The following TSPEAR variants were observed in gnomAD, a reference collection of about 807,000 sequenced individuals.
The protein encoded by TSPEAR is thrombospondin type laminin G domain and EAR repeats, also known as thrombospondin-type laminin G domain and EAR repeat-containing protein.
A neutral mutation model predicts 71.6 loss-of-function variants in TSPEAR; 69 were observed. The observed-to-expected ratio is 0.96, with a 90% CI of 0.79 to 1.18. The LOEUF (loss-of-function observed/expected upper bound fraction) is 1.18, where lower values mean the gene tolerates loss of function less well. Among genes scored for constraint, TSPEAR ranks in the 50% most tolerant of loss-of-function variants. The pLI, the probability that TSPEAR is intolerant of heterozygous loss-of-function variation, is 0.00. For synonymous variants in TSPEAR, 402 were observed against 387.2 expected (o/e 1.04, Z -0.45); for missense variants, 971 against 894.9 (o/e 1.09, Z -1.09).
rs587742978 is a variant in TSPEAR, at chr21:44,533,709, G to A, written c.518C>T (p.Thr173Met). ...AVSAGVFSLT[T>M]DCGLPVDIMA... ...CATGTCCACCGGGAGGCCGCAGTCC[G>A]TGGTGAGGGAGAAGACGCCTGCGGA... The change falls in exon 3 of 12, where the codon ACG (threonine) becomes ATG (methionine). Residue 173 changes from threonine (T) to methionine (M), a missense_variant. Coordinates refer to ENST00000323084, the MANE Select transcript of TSPEAR (RefSeq NM_144991.3). The A allele has an allele frequency of 6.6e-5, 107 of 1,610,638 alleles. No individual in the cohort carries two copies. Among genetic ancestry groups the A allele is most frequent in the African/African-American group, 3.3e-4 (25 of 75,014 alleles).
At chr21:44,569,731 G>A (rs1348739319) in intron 1 of TSPEAR, among the ~76,000 whole-genome samples, 10 of 152,122 alleles carry the variant, frequency 6.6e-5, no homozygotes, top group African/African-American at 2.2e-4. Flanking sequence ...AACATGCCAC[G>A]ACATAGGGAC....
At position 44,529,802 on chromosome 21, in the gene TSPEAR, G is replaced by T. The variant is rs2052930415; in HGVS notation, c.786C>A (p.Pro262=). The T allele has an allele frequency of 1.9e-6, 3 of 1,613,666 alleles. No individual in the cohort carries two copies. In the East Asian group the frequency reaches 6.7e-5, roughly 36 times the overall value. Residue 262 remains proline, a synonymous_variant, in exon 5 of 12, where the codon CCC becomes CCA. Transcript: ENST00000323084. Reference sequence around the variant, plus strand: ...GCGGGTGGCCCCCCTACTAACCATAGGGATATTTTAGCACCTCGTTATCTT... The same window carrying T: ...GCGGGTGGCCCCCCTACTAACCATATGGATATTTTAGCACCTCGTTATCTT... ...KPEDNEVLKY[P]YETNIRVTLG...
At chr21:44,678,162 A>G (rs1986413516) in intron 1 of TSPEAR, 3 of 520,292 alleles carry the variant, frequency 5.8e-6, no homozygotes, top group Non-Finnish European at 1.0e-5. Context: ...ATGTGTACAT[A>G]TGTCAAGGAT....
intron 1 of TSPEAR, chr21:44,702,873 C>G (rs528879925): frequency 8.0e-6 from 6 of 745,664 alleles, no homozygotes; most frequent in Non-Finnish European, 1.3e-5. Context: ...TCTCAGCACA[C>G]GCACTAGTAC....
intron 1 of TSPEAR, chr21:44,628,052 G>C (rs376402427): frequency 6.2e-7 from 1 of 1,610,038 alleles, no homozygotes; most frequent in Non-Finnish European, 8.5e-7. Context: ...AGCTGCTGAC[G>C]GTCATGTCCC....
chr21:44,621,520 C>T (rs1393119534), intron 1 of TSPEAR, among the ~76,000 whole-genome samples: 1 of 152,204 alleles, frequency 6.6e-6, no homozygotes, highest in East Asian at 1.9e-4. Flanking sequence ...TATGGCTGGC[C>T]CCTCCCCAGT....
chr21:44,620,848 G>C (rs1288208729), intron 1 of TSPEAR, among the ~76,000 whole-genome samples: 3 of 151,988 alleles, frequency 2.0e-5, no homozygotes, highest in Non-Finnish European at 4.4e-5. Context: ...TTAAGTTTTG[G>C]GTTACTGTGA....
chr21:44,597,634 G>A (rs191536313), intron 1 of TSPEAR, among the ~76,000 whole-genome samples: 33 of 152,038 alleles, frequency 2.2e-4, no homozygotes, highest in African/African-American at 7.2e-4. Context: ...GCTTTACCAC[G>A]TTGGCCAGGC....
At chr21:44,639,099 C>T (rs587729222) in intron 1 of TSPEAR, among the ~76,000 whole-genome samples, 44 of 152,228 alleles carry the variant, frequency 2.9e-4, no homozygotes, top group African/African-American at 1.0e-3. Flanking sequence ...ACCAAGCCTG[C>T]GGGCCCCCCT....
chr21:44,529,969 A>C lies in TSPEAR; in HGVS notation c.634-15T>G, dbSNP rs782464985. Reference sequence around the variant, plus strand: ...CTCACCAGTCCCTGCAGAGAGAGGGACAGCTCCTTCAGGCCCGCGCTGCTG... The same window carrying C: ...CTCACCAGTCCCTGCAGAGAGAGGGCCAGCTCCTTCAGGCCCGCGCTGCTG... On this transcript the variant is annotated splice_polypyrimidine_tract_variant and intron_variant, in intron 4 of 11. Transcript: ENST00000323084. 3 of 1,575,752 alleles carry C rather than the reference A, an allele frequency of 1.9e-6. No homozygotes were observed. Among genetic ancestry groups the C allele is most frequent in the Middle Eastern group, 1.7e-4 (1 of 5,868 alleles).
rs151223692 is a variant in TSPEAR at position 44,669,299 on chromosome 21, T to A, written c.82+42134A>T. On this transcript the variant is annotated intron_variant, in intron 1 of 11. Coordinates refer to ENST00000323084, the MANE Select transcript of TSPEAR (RefSeq NM_144991.3). ...TTAGCTGGGTGTGGTGGCACGTGCCTGTAGTCCCAGCTACTTGGGAGGCTG... is the reference window on the plus strand; with the variant it reads ...TTAGCTGGGTGTGGTGGCACGTGCCAGTAGTCCCAGCTACTTGGGAGGCTG... 8.4e-3 allele frequency among the ~76,000 whole-genome samples: 1,282 copies of A among 152,286 alleles called. 18 individuals are homozygous for A. Among genetic ancestry groups the A allele is most frequent in the African/African-American group, 0.029 (1,204 of 41,566 alleles).
intron 1 of TSPEAR, 145 bp from the exon 2 acceptor site, chr21:44,568,150 T>G: frequency 2.0e-6 from 1 of 503,970 alleles, no homozygotes; most frequent in Non-Finnish European, 3.2e-6. Context: ...AGGTTATCTC[T>G]GTTTCAGTGG....
chr21:44,599,165 T>TCTCTCTCTCTCTCTCTCTCTCTCC (rs1980591882), intron 1 of TSPEAR, among the ~76,000 whole-genome samples: 1 of 141,766 alleles, frequency 7.1e-6, no homozygotes. Flanking sequence ...TCTCTCTCTC[T>TCTCTCTCTCTCTCTCTCTCTCTCC]CTCTCTCCTT....
At chr21:44,516,059 G>T (rs782248404) in intron 9 of TSPEAR, 5 of 152,286 alleles carry the variant, frequency 3.3e-5, no homozygotes, top group Non-Finnish European at 7.3e-5. Flanking sequence ...TTGTGGCCAG[G>T]TCCCTGCTCC....
At chr21:44,565,281 GAAAT>G (rs1470682817) in intron 2 of TSPEAR, among the ~76,000 whole-genome samples, 25 of 152,234 alleles carry the variant, frequency 1.6e-4, no homozygotes, top group African/African-American at 6.0e-4. Flanking sequence ...GATTAAAGTG[GAAAT>G]AAATAAAGAA....
At position 44,567,892 on chromosome 21, in the gene TSPEAR, G is replaced by A. The variant is rs1555921942; in HGVS notation, c.196C>T (p.Pro66Ser). The change falls in exon 2 of 12, where the codon CCC becomes TCC. Residue 66 changes from proline (P) to serine (S), a missense_variant. Transcript: ENST00000323084. ...ARGLQLSVAA[P>S]RTMSFPASRI... is the part of the protein sequence containing the mutation. ...GATGCTGGGAAGCTCATGGTGCGGG[G>A]GGCGGCTACTGAGAGCTGGAGTCCC... is the stretch of plus-strand genomic sequence containing the variant. 1 of 1,609,134 alleles carries A rather than the reference G, an allele frequency of 6.2e-7. No homozygotes were observed. The highest frequency in any genetic ancestry group is 8.5e-7 in the Non-Finnish European group (1 of 1,176,894).
intron 1 of TSPEAR, chr21:44,666,811 C>A: frequency 6.2e-7 from 1 of 1,610,980 alleles, no homozygotes; most frequent in Non-Finnish European, 8.5e-7. Flanking sequence ...GAGCTGGGCA[C>A]ACAACAGGCT....
intron 1 of TSPEAR, chr21:44,580,333 G>T (rs2146101284): frequency 1.2e-6 from 2 of 1,614,094 alleles, no homozygotes; most frequent in Non-Finnish European, 1.7e-6. Context: ...GCTGGCAGGG[G>T]GAGGAGGCGC....
intron 2 of TSPEAR, among the ~76,000 whole-genome samples, chr21:44,553,128 GCGCCAGGGAGC>G (rs1306899315): frequency 6.6e-6 from 1 of 152,250 alleles, no homozygotes; most frequent in Non-Finnish European, 1.5e-5. Flanking sequence ...GCATGTGGCT[GCGCCAGGGAGC>G]ATTCCAAGCA....
Sources: allele counts gnomAD v4.1 joint callset (sites outside exome capture counted in the v4.1 genomes callset), GRCh38; gene constraint gnomAD v4.1.1; transcripts MANE v1.5; gene names NCBI Gene and HGNC (gene_info 2026-07-23, HGNC 2026-07-21).